DISC1: variants seen among roughly 807,000 people sequenced by gnomAD.
DISC1 encodes the protein DISC1 scaffold protein, also known as disrupted in schizophrenia 1 protein.
Under a neutral mutation model 84.5 loss-of-function variants are expected in DISC1, and 57 were observed. The ratio of observed to expected loss-of-function variants is 0.67; its 90% CI spans 0.55 to 0.84. The LOEUF (loss-of-function observed/expected upper bound fraction) is 0.84, where lower values mean the gene tolerates loss of function less well. Among genes scored for constraint, DISC1 ranks in the 40% least tolerant of loss-of-function variants. DISC1 has a pLI of 0.00. For synonymous variants in DISC1, 411 were observed against 415.2 expected (o/e 0.99, Z 0.12); for missense variants, 1,000 against 1,057.8 (o/e 0.95, Z 0.76).
chr1:231,703,876 G>A (rs917506211), intron 3 of DISC1, among the ~76,000 whole-genome samples: 3 of 152,138 alleles, frequency 2.0e-5, no homozygotes, highest in African/African-American at 7.2e-5. Context: ...CTGGTGACTG[G>A]GGTGTGTCCT....
intron 1 of DISC1, chr1:231,684,798 G>C (rs549083217): frequency 6.6e-6 from 1 of 152,200 alleles, no homozygotes; most frequent in African/African-American, 2.4e-5. Context: ...AGGAAGTAGC[G>C]TTTGTGGGAA....
chr1:231,985,081 G>A (rs1219245418), intron 10 of DISC1, among the ~76,000 whole-genome samples: 2 of 152,134 alleles, frequency 1.3e-5, no homozygotes, highest in Non-Finnish European at 2.9e-5. Context: ...AGCACTTTGG[G>A]AGGCCAAGGT....
chr1:232,027,902 C>A (rs1230906401), intron 12 of DISC1, among the ~76,000 whole-genome samples: 2 of 151,604 alleles, frequency 1.3e-5, no homozygotes, highest in African/African-American at 4.9e-5. Flanking sequence ...ATGATAGAGC[C>A]AATGCTACAC....
intron 9 of DISC1, among the ~76,000 whole-genome samples, chr1:231,880,257 TCACCAGATGCTGCC>T (rs1317189518): frequency 6.6e-6 from 1 of 152,206 alleles, no homozygotes; most frequent in Non-Finnish European, 1.5e-5. Flanking sequence ...AAGAAGGCTC[TCACCAGATGCTGCC>T]CCTCGACCTT....
chr1:231,970,671 A>G (rs915208173), intron 10 of DISC1, among the ~76,000 whole-genome samples: 19 of 152,226 alleles, frequency 1.2e-4, no homozygotes, highest in Admixed American at 4.6e-4. Context: ...CACTAATAGA[A>G]TAGAAAATAG....
chr1:231,724,172 G>A (rs1393098717), intron 3 of DISC1: 6 of 423,660 alleles, frequency 1.4e-5, no homozygotes, highest in Non-Finnish European at 1.9e-5. Flanking sequence ...CATATCCTCT[G>A]TGTGGGGAAG....
intron 3 of DISC1, among the ~76,000 whole-genome samples, chr1:231,704,002 C>G (rs2066723132): frequency 6.6e-6 from 1 of 152,176 alleles, no homozygotes; most frequent in African/African-American, 2.4e-5. Context: ...CCTTCCTGAT[C>G]CACCAGAAAT....
chr1:231,694,613 C>T lies in DISC1; in HGVS notation c.855C>T (p.Ser285=), dbSNP rs778749511. Residue 285 remains serine (S), a synonymous_variant, in exon 2 of 13, where the codon TCC becomes TCT. Coordinates refer to ENST00000439617, the MANE Select transcript of DISC1 (RefSeq NM_018662.3). ...ADLAQAARNS[S]RPERDMHSLP... Reference sequence around the variant, plus strand: ...TGGCCCAGGCCGCAAGGAACAGCTCCAGGCCAGAGCGTGACATGCATTCTT... The same window carrying T: ...TGGCCCAGGCCGCAAGGAACAGCTCTAGGCCAGAGCGTGACATGCATTCTT... 5.0e-6 allele frequency: 8 copies of T among 1,614,166 alleles called. No individual in the cohort carries two copies. In the East Asian group the frequency reaches 1.6e-4, roughly 31 times the overall value.
intron 1 of DISC1, among the ~76,000 whole-genome samples, chr1:231,690,636 CAG>C (rs1230868990): frequency 1.3e-5 from 2 of 152,046 alleles, no homozygotes; most frequent in African/African-American, 4.8e-5. Flanking sequence ...ATTCTGGTCA[CAG>C]GGGATGTCAT....
At chr1:231,706,111 A>T (rs890415332) in intron 3 of DISC1, among the ~76,000 whole-genome samples, 1 of 152,144 alleles carries the variant, frequency 6.6e-6, no homozygotes, top group Non-Finnish European at 1.5e-5. Flanking sequence ...TCTCTCCATC[A>T]CTAGGGAAGT....
At chr1:231,885,519 G>A (rs1045708913) in intron 9 of DISC1, among the ~76,000 whole-genome samples, 2 of 152,200 alleles carry the variant, frequency 1.3e-5, no homozygotes, top group Non-Finnish European at 2.9e-5. Context: ...CCTGTTCGAA[G>A]CAACCCAGCC....
chr1:231,855,482 C>T (rs2125911661), intron 9 of DISC1: 1 of 943,066 alleles, frequency 1.1e-6, no homozygotes, highest in Non-Finnish European at 1.3e-6. Context: ...AACAATCCTC[C>T]TTCCCAAACT....
rs2087832841 is a variant in DISC1, at chr1:231,897,922, GC to G, written c.1982-60903del. On this transcript the variant is annotated intron_variant, in intron 9 of 12. Coordinates refer to ENST00000439617, the MANE Select transcript of DISC1 (RefSeq NM_018662.3). This position sits in a 1 kb window ranked among gnomAD's most constrained non-coding sequence, Gnocchi z 4.5. ...ACATTCCTGGGGCAGGGGAGAGGTG[GC>G]CCTCGATTAAATATATACGAGCAAG... Among the ~76,000 whole-genome samples, 1 of 152,108 alleles carries G rather than the reference GC, an allele frequency of 6.6e-6. No individual in the cohort carries two copies. Among genetic ancestry groups the G allele is most frequent in the Non-Finnish European group, 1.5e-5 (1 of 68,036 alleles).
intron 10 of DISC1, among the ~76,000 whole-genome samples, chr1:231,995,486 C>A (rs1213698382): frequency 6.6e-6 from 1 of 151,854 alleles, no homozygotes; most frequent in African/African-American, 2.4e-5. Flanking sequence ...GCTATCCCTC[C>A]CCCCTATCCC....
intron 10 of DISC1, among the ~76,000 whole-genome samples, chr1:231,986,109 C>T (rs1664395230): frequency 6.6e-6 from 1 of 152,168 alleles, no homozygotes; most frequent in African/African-American, 2.4e-5. Context: ...TGAAATTGTA[C>T]ACTAGAATGA....
intron 9 of DISC1, among the ~76,000 whole-genome samples, chr1:231,955,901 A>T (rs1239814297): frequency 6.6e-6 from 1 of 152,214 alleles, no homozygotes; most frequent in African/African-American, 2.4e-5. Flanking sequence ...CTAATGCACT[A>T]GTTTAAGTCC....
chr1:232,029,219 A>G (rs1170549099), intron 12 of DISC1, among the ~76,000 whole-genome samples: 1 of 151,200 alleles, frequency 6.6e-6, no homozygotes, highest in Non-Finnish European at 1.5e-5. Flanking sequence ...TCCCTCCAAT[A>G]AAATCTACAC....
intron 2 of DISC1, among the ~76,000 whole-genome samples, chr1:231,700,279 A>G (rs2066250396): frequency 6.6e-6 from 1 of 151,996 alleles, no homozygotes; most frequent in South Asian, 2.1e-4. Context: ...AGCAAGAACA[A>G]CCTCTCTTCC....
intron 1 of DISC1, among the ~76,000 whole-genome samples, chr1:231,663,275 A>C (rs1016628408): frequency 1.3e-5 from 2 of 152,248 alleles, no homozygotes; most frequent in African/African-American, 4.8e-5. Context: ...ACAACAATTC[A>C]AAACATATAT....
Sources: gnomAD v4.1 joint callset for allele counts (sites outside exome capture counted in the v4.1 genomes callset) on GRCh38, gnomAD v4.1.1 for gene constraint, Gnocchi (gnomAD v3.1) non-coding constraint, MANE v1.5 for transcripts, NCBI Gene and HGNC (gene_info 2026-07-23, HGNC 2026-07-21) for gene names.